Variants in AIG1 observed in about 807,000 individuals in gnomAD.
The protein encoded by AIG1 is androgen induced 1, also known as androgen-induced gene 1 protein.
AIG1 carries 23 observed loss-of-function variants against 31.4 expected under a neutral mutation model. That is an observed-to-expected ratio of 0.73 (90% CI 0.53 to 1.04). The LOEUF (loss-of-function observed/expected upper bound fraction) is 1.04. Ranked by LOEUF, AIG1 falls within the 50% of genes least tolerant of loss-of-function variation. AIG1 has a pLI of 0.00. For synonymous variants in AIG1, 100 were observed against 110.5 expected, an observed-to-expected ratio of 0.90 and a Z score of 0.60; for missense variants, 274 against 295.0, an observed-to-expected ratio of 0.93 and a Z score of 0.52.
At chr6:143,133,899 C>T (rs1176260857) in intron 1 of AIG1, among the ~76,000 whole-genome samples, 1 of 152,006 alleles carries the variant, frequency 6.6e-6, no homozygotes, top group African/African-American at 2.4e-5. Flanking sequence ...TTTATCAGTA[C>T]CAAGGCAATA....
intron 1 of AIG1, among the ~76,000 whole-genome samples, chr6:143,135,316 T>G (rs1049728407): frequency 6.6e-6 from 1 of 151,998 alleles, no homozygotes; most frequent in Non-Finnish European, 1.5e-5. Flanking sequence ...AACATAGAGA[T>G]TCAAACATCT....
At chr6:143,183,891 G>C (rs948878642) in intron 3 of AIG1, among the ~76,000 whole-genome samples, 3 of 152,208 alleles carry the variant, frequency 2.0e-5, no homozygotes. Context: ...GCCACAGACA[G>C]ATCATTCATT....
chr6:143,197,745 C>T (rs1790372906), intron 3 of AIG1, among the ~76,000 whole-genome samples: 1 of 152,176 alleles, frequency 6.6e-6, no homozygotes, highest in African/African-American at 2.4e-5. Context: ...AACAGAGCCT[C>T]ACTGTAGGTC....
chr6:143,143,532 T>A lies in AIG1; in HGVS notation c.297+6542T>A, dbSNP rs1434454012. On this transcript the variant is annotated intron_variant, in intron 2 of 5. Transcript: ENST00000357847. ...AAAAAAAAAAAAAAAAAAAAAAATA[T>A]ATATATATATATATATATATATACA... Among the ~76,000 whole-genome samples the A allele has an allele frequency of 1.5e-3, 142 of 93,624 alleles. 1 individual carries two copies. The highest frequency in any genetic ancestry group is 6.3e-3 in the East Asian group (10 of 1,598). The allele number at this position is 93,624 out of a possible 152,430, so 61.4% of individuals were successfully genotyped here. A position where few individuals can be genotyped will look rare whatever the true frequency, so the allele number is the denominator to read the frequency against.
Position 143,165,200 on chromosome 6 carries a change from A to G in AIG1, c.399+17A>G. ...CACGGAATGGTGAGTGGATTAAAAC[A>G]AACGGCTTTCTTTTATTTTAAAAAA... is the stretch of plus-strand genomic sequence containing the variant. On this transcript the variant is annotated intron_variant, in intron 3 of 5. Transcript: ENST00000357847. 1 of 1,572,824 alleles carries G rather than the reference A, an allele frequency of 6.4e-7. No individual in the cohort carries two copies. Among genetic ancestry groups the G allele is most frequent in the African/African-American group, 1.4e-5 (1 of 73,992 alleles).
chr6:143,075,837 C>A (rs1193249569), intron 1 of AIG1, among the ~76,000 whole-genome samples: 1 of 151,834 alleles, frequency 6.6e-6, no homozygotes, highest in African/African-American at 2.4e-5. Context: ...TAAAAATTTC[C>A]TTTGATTCTA....
chr6:143,115,323 C>T (rs1333186733), intron 1 of AIG1, among the ~76,000 whole-genome samples: 1 of 152,182 alleles, frequency 6.6e-6, no homozygotes, highest in East Asian at 1.9e-4. Context: ...ACCCCTTTCT[C>T]TTGCCATGTT....
chr6:143,339,524 T>C (rs1195364385), intron 5 of AIG1, 115 bp from the exon 6 acceptor site: 1 of 1,029,018 alleles, frequency 9.7e-7, no homozygotes, highest in East Asian at 2.6e-5. Flanking sequence ...GGAGGGTGAA[T>C]GGGAGAAGTG....
At chr6:143,134,736 T>A (rs1783582335) in intron 1 of AIG1, among the ~76,000 whole-genome samples, 1 of 152,108 alleles carries the variant, frequency 6.6e-6, no homozygotes, top group African/African-American at 2.4e-5. Context: ...TCGCATTCAA[T>A]AGAAACCATA....
intron 3 of AIG1, among the ~76,000 whole-genome samples, chr6:143,220,431 G>C (rs952512876): frequency 9.9e-5 from 15 of 152,154 alleles, no homozygotes; most frequent in Non-Finnish European, 2.1e-4. Flanking sequence ...TAGATGCTTT[G>C]TGAGTAACTT....
At chr6:143,305,346 T>G (rs564753804) in intron 4 of AIG1, among the ~76,000 whole-genome samples, 17 of 152,206 alleles carry the variant, frequency 1.1e-4, no homozygotes, top group Non-Finnish European at 2.1e-4. Flanking sequence ...TTTCCTGCTT[T>G]CTTTTGTGGG....
intron 3 of AIG1, chr6:143,189,991 G>C (rs1453503686): frequency 2.1e-6 from 1 of 471,756 alleles, no homozygotes; most frequent in Non-Finnish European, 2.8e-6. Context: ...CCAGCTTCTT[G>C]CTGTGTCCTC....
intron 3 of AIG1, among the ~76,000 whole-genome samples, chr6:143,237,888 G>A (rs889042791): frequency 6.6e-6 from 1 of 152,066 alleles, no homozygotes; most frequent in Non-Finnish European, 1.5e-5. Flanking sequence ...AAGTGTTTCT[G>A]GTGTTACTTC....
At position 143,314,135 on chromosome 6, in the gene AIG1, G is replaced by A. The variant is rs118030259; in HGVS notation, c.516-19147G>A. On this transcript the variant is annotated intron_variant, in intron 4 of 5. Transcript: ENST00000357847. ...AGGCCAGAACTGCAGGATTGCTTGA[G>A]GCCAGGAGTTCAAGATCAGCCTGGG... 7.7e-3 allele frequency among the ~76,000 whole-genome samples: 1,125 copies of A among 147,050 alleles called. 35 individuals are homozygous for A. Among genetic ancestry groups the A allele is most frequent in the Admixed American group, 0.048 (691 of 14,356 alleles).
intron 3 of AIG1, among the ~76,000 whole-genome samples, chr6:143,217,853 G>A (rs1395916983): frequency 6.6e-6 from 1 of 152,200 alleles, no homozygotes; most frequent in Non-Finnish European, 1.5e-5. Context: ...TCTCAAGGGT[G>A]GGATTACTGA....
chr6:143,339,712 C>T lies in AIG1; in HGVS notation c.*36C>T, dbSNP rs1487162153. ...TAAACGCAAGAGCTAGATTGAGCCG[C>T]CATTGAAGACTCCTTCCCCTCGGGC... On this transcript the variant is annotated 3_prime_UTR_variant, in exon 6 of 6. Coordinates refer to ENST00000357847, the MANE Select transcript of AIG1 (RefSeq NM_016108.4). 2 of 1,606,858 alleles carry T rather than the reference C, an allele frequency of 1.2e-6. No individual in the cohort carries two copies. The highest frequency in any genetic ancestry group is 3.4e-5 in the Admixed American group (2 of 59,442).
intron 1 of AIG1, among the ~76,000 whole-genome samples, chr6:143,115,463 A>G (rs879316379): frequency 2.0e-5 from 3 of 152,198 alleles, no homozygotes; most frequent in Non-Finnish European, 4.4e-5. Context: ...GAGGGAAGAT[A>G]AATAAATTCC....
intron 2 of AIG1, among the ~76,000 whole-genome samples, chr6:143,152,090 A>G (rs1339947449): frequency 3.3e-5 from 5 of 152,076 alleles, no homozygotes; most frequent in Non-Finnish European, 5.9e-5. Flanking sequence ...TTCAGTTTCC[A>G]CTGTTACAGT....
In AIG1 at chr6:143,299,817, T is replaced by C. The variant is rs1798701978; in HGVS notation, c.515+15592T>C. On this transcript the variant is annotated intron_variant, in intron 4 of 5. Transcript: ENST00000357847. The surrounding 1 kb of genome is among the most constrained non-coding windows in gnomAD (Gnocchi z 4.1). ...GTGTTCTTCTCTTTGCCTAGATAAT[T>C]TCCTTCCAGGTCTCACTGCCATTCC... is the stretch of plus-strand genomic sequence containing the variant. Among the ~76,000 whole-genome samples, 1 of 152,176 alleles carries C rather than the reference T, an allele frequency of 6.6e-6. No homozygotes were observed. Among genetic ancestry groups the C allele is most frequent in the Non-Finnish European group, 1.5e-5 (1 of 68,024 alleles).
Sources: allele counts gnomAD v4.1 joint callset (sites outside exome capture counted in the v4.1 genomes callset), GRCh38; gene constraint gnomAD v4.1.1; non-coding constraint Gnocchi (gnomAD v3.1); transcripts MANE v1.5; gene names NCBI Gene and HGNC (gene_info 2026-07-23, HGNC 2026-07-21).